STAM2: variants seen among roughly 807,000 people sequenced by gnomAD.
STAM2 encodes the protein signal transducing adaptor molecule 2, also known as signal transducing adapter molecule 2.
Under a neutral mutation model 65.6 loss-of-function variants are expected in STAM2, and 51 were observed. The observed-to-expected ratio is 0.78, with a 90% CI of 0.62 to 0.98. STAM2 has a LOEUF of 0.98. STAM2 is among the 50% of genes least tolerant of loss of function. The pLI is 0.00. For missense variants in STAM2, 584 were observed against 617.8 expected, an observed-to-expected ratio of 0.95 and a Z score of 0.58; for synonymous variants, 198 against 208.4, an observed-to-expected ratio of 0.95 and a Z score of 0.43.
chr2:152,149,882 G>GT (rs1335787759), intron 2 of STAM2, among the ~76,000 whole-genome samples: 1 of 152,058 alleles, frequency 6.6e-6, no homozygotes, highest in Non-Finnish European at 1.5e-5. Flanking sequence ...ATAATATACT[G>GT]TATTCTTACA....
At chr2:152,122,055 AAAATAT>A (rs373026759) in intron 13 of STAM2, among the ~76,000 whole-genome samples, 36 of 104,210 alleles carry the variant, frequency 3.5e-4, no homozygotes, top group East Asian at 2.0e-3. Flanking sequence ...CCCCAAAAAA[AAAATAT>A]ATATATATAT....
intron 10 of STAM2, among the ~76,000 whole-genome samples, chr2:152,132,685 A>T (rs1689086028): frequency 6.6e-6 from 1 of 152,170 alleles, no homozygotes; most frequent in Admixed American, 6.5e-5. Flanking sequence ...TTTACCAGAG[A>T]TTCTTATCCC....
rs374122404 is a variant in STAM2 at position 152,144,000 on chromosome 2, C to T, written c.531G>A (p.Ser177=). The change falls in exon 7 of 14, where the codon TCG becomes TCA. Residue 177 remains serine (S), a synonymous_variant. Transcript: ENST00000263904. ...TGTGTTGCTGTTTCTGTTCTTGCAG[C>T]GATAATTCAATAGCTAGTTTCAAAA... is the stretch of plus-strand genomic sequence containing the variant. ...DEDIAKAIEL[S]LQEQKQQHTE... 63 of 1,606,638 alleles carry T rather than the reference C, an allele frequency of 3.9e-5. No homozygotes were observed. The highest frequency in any genetic ancestry group is 1.7e-4 in the Middle Eastern group (1 of 5,914).
chr2:152,166,150 G>T (rs1007478016), intron 1 of STAM2, among the ~76,000 whole-genome samples: 3 of 151,762 alleles, frequency 2.0e-5, no homozygotes, highest in Non-Finnish European at 2.9e-5. Flanking sequence ...TTCCAGGCTG[G>T]GGGGCAGAGC....
rs553092293 is a variant in STAM2, at chr2:152,123,820, G to A, written c.1295C>T (p.Pro432Leu). The A allele has an allele frequency of 6.2e-7, 1 of 1,614,092 alleles. No homozygotes were observed. Among genetic ancestry groups the A allele is most frequent in the Non-Finnish European group, 8.5e-7 (1 of 1,180,016 alleles). ...PDQIGPLRSL[P>L]PNVNSSVTAQ... ...TGTCACTGAGGAATTCACATTTGGA[G>A]GCAGAGATCTCAGTGGACCAATTTG... Residue 432 changes from proline (P) to leucine (L), a missense_variant, in exon 13 of 14, where the codon CCT (proline) becomes CTT (leucine). Transcript: ENST00000263904.
At chr2:152,173,712 C>T (rs1383897788) in intron 1 of STAM2, among the ~76,000 whole-genome samples, 3 of 152,180 alleles carry the variant, frequency 2.0e-5, no homozygotes, top group South Asian at 2.1e-4. Flanking sequence ...TTTGTATTAA[C>T]GATTTGAAAT....
intron 7 of STAM2, among the ~76,000 whole-genome samples, chr2:152,137,353 T>C (rs1019290221): frequency 2.6e-5 from 4 of 152,244 alleles, no homozygotes; most frequent in Non-Finnish European, 4.4e-5. Context: ...TCGTATTTCA[T>C]TGTATGCACT....
chr2:152,152,365 C>T (rs1310042028), intron 1 of STAM2, among the ~76,000 whole-genome samples: 3 of 151,928 alleles, frequency 2.0e-5, no homozygotes, highest in South Asian at 2.1e-4. Context: ...CTGGCTAACA[C>T]GGTGAAACCC....
intron 1 of STAM2, among the ~76,000 whole-genome samples, chr2:152,154,772 T>C (rs905675466): frequency 6.6e-6 from 1 of 152,232 alleles, no homozygotes; most frequent in Non-Finnish European, 1.5e-5. Context: ...CTACTCATAA[T>C]AAACATCTGC....
At chr2:152,132,241 T>C in intron 10 of STAM2, 73 bp from the exon 11 acceptor site, 1 of 1,103,592 alleles carries the variant, frequency 9.1e-7, no homozygotes, top group Non-Finnish European at 1.4e-6. Flanking sequence ...TTTTTAACAA[T>C]ATAGCACCAA....
chr2:152,142,792 T>C (rs1181503309), intron 7 of STAM2, among the ~76,000 whole-genome samples: 5 of 152,210 alleles, frequency 3.3e-5, no homozygotes, highest in Admixed American at 2.0e-4. Flanking sequence ...TTTTTCTTTA[T>C]GGAAAAAAGA....
Position 152,118,827 on chromosome 2 carries a change from A to C in STAM2, c.*1747T>G, listed in dbSNP as rs931115964. On this transcript the variant is annotated 3_prime_UTR_variant, in exon 14 of 14. Transcript: ENST00000263904. ...AAGGAAAATACTGAATAAAAAACAG[A>C]ACATGAGATATTAAAGGTTAAAACT... is the stretch of plus-strand genomic sequence containing the variant. 3 of 152,154 alleles carry C rather than the reference A, an allele frequency of 2.0e-5. No homozygotes were observed. The highest frequency in any genetic ancestry group is 7.2e-5 in the African/African-American group (3 of 41,462). 9.4% of individuals were successfully genotyped at this position (152,154 alleles called of 1,614,324 possible). A position where few individuals can be genotyped will look rare whatever the true frequency, so the allele number is the denominator to read the frequency against.
At position 152,117,474 on chromosome 2, in the gene STAM2, T is replaced by C. The variant is rs1026376333; in HGVS notation, c.*3100A>G. The C allele has an allele frequency of 2.6e-5, 4 of 152,156 alleles. No individual in the cohort carries two copies. In the South Asian group the frequency reaches 6.2e-4, roughly 24 times the overall value. The allele number at this position is 152,156 out of a possible 1,614,324, so 9.4% of individuals were successfully genotyped here. ...GTATCTGGCCTCTGGGGAAAACTTT[T>C]AGAAATATACTTTTAATTTTTGAAA... On this transcript the variant is annotated 3_prime_UTR_variant, in exon 14 of 14. Coordinates refer to ENST00000263904, the MANE Select transcript of STAM2 (RefSeq NM_005843.6).
intron 6 of STAM2, 103 bp downstream of exon 6, chr2:152,144,785 C>T: frequency 2.2e-6 from 2 of 891,660 alleles, no homozygotes; most frequent in East Asian, 2.5e-5. Context: ...GATCTGCCCA[C>T]TTCGGCCTCC....
At chr2:152,128,758 G>A (rs377357207) in intron 11 of STAM2, among the ~76,000 whole-genome samples, 42 of 152,194 alleles carry the variant, frequency 2.8e-4, no homozygotes, top group Middle Eastern at 3.4e-3. Flanking sequence ...AACTTTTATG[G>A]AGTCAATTTA....
intron 1 of STAM2, among the ~76,000 whole-genome samples, chr2:152,173,816 T>C (rs976718912): frequency 1.5e-4 from 23 of 152,360 alleles, no homozygotes; most frequent in African/African-American, 5.3e-4. Context: ...TTCATTCTAC[T>C]TTTTCTAATT....
intron 1 of STAM2, among the ~76,000 whole-genome samples, chr2:152,159,110 TACACACAC>T (rs1553847557): frequency 7.0e-5 from 9 of 129,162 alleles, no homozygotes; most frequent in African/African-American, 1.6e-4. Flanking sequence ...TATATATATA[TACACACAC>T]AGATATATAT....
At position 152,126,191 on chromosome 2, in the gene STAM2, A is replaced by G. The variant is rs753695653; in HGVS notation, c.1179+35T>C. On this transcript the variant is annotated intron_variant, in intron 12 of 13. Coordinates refer to ENST00000263904, the MANE Select transcript of STAM2 (RefSeq NM_005843.6). ...TTTCTTTTACTTTTAAAAGTTGTTT[A>G]TAATTTAGAAAATGTTCTCAAAAAA... The G allele has an allele frequency of 5.2e-6, 8 of 1,533,496 alleles. No individual in the cohort carries two copies. The East Asian group carries it at 1.4e-4, about 27-fold the overall frequency. 95.0% of individuals were successfully genotyped at this position (1,533,496 alleles called of 1,614,324 possible).
chr2:152,158,849 G>GC (rs1188783204), intron 1 of STAM2, among the ~76,000 whole-genome samples: 1 of 151,804 alleles, frequency 6.6e-6, no homozygotes, highest in Non-Finnish European at 1.5e-5. Context: ...TTTTATTGCA[G>GC]CATTAATCCA....
Sources: allele counts gnomAD v4.1 joint callset (sites outside exome capture counted in the v4.1 genomes callset), GRCh38; gene constraint gnomAD v4.1.1; transcripts MANE v1.5; gene names NCBI Gene and HGNC (gene_info 2026-07-23, HGNC 2026-07-21).